EPRS1: variants seen among roughly 807,000 people sequenced by gnomAD.
EPRS1 encodes glutamyl-prolyl-tRNA synthetase 1.
Under a neutral mutation model 188.3 loss-of-function variants are expected in EPRS1, and 107 were observed. The observed-to-expected ratio is 0.57, with a 90% CI of 0.49 to 0.67. The LOEUF (loss-of-function observed/expected upper bound fraction) is 0.67, where lower values mean the gene tolerates loss of function less well. EPRS1 is among the 30% of genes least tolerant of loss of function. The probability of loss-of-function intolerance (pLI) is 0.00; values close to 1 mark genes in which losing one functional copy is unlikely to be tolerated. For missense variants in EPRS1, 1,577 were observed against 1,802.2 expected, an observed-to-expected ratio of 0.88 and a Z score of 2.26; for synonymous variants, 596 against 593.1, an observed-to-expected ratio of 1.00 and a Z score of -0.07.
At chr1:220,039,347 G>A (rs994506093) in intron 2 of EPRS1, among the ~76,000 whole-genome samples, 1 of 152,058 alleles carries the variant, frequency 6.6e-6, no homozygotes, top group Non-Finnish European at 1.5e-5. Context: ...TGTTGCAGAT[G>A]GGCTCTCAAA....
Position 219,982,803 on chromosome 1 carries a change from TTC to T in EPRS1, c.3340_3341del (p.Glu1114ThrfsTer8). 6.2e-7 allele frequency: 1 copy of T among 1,614,102 alleles called. No homozygotes were observed. Among genetic ancestry groups the T allele is most frequent in the Non-Finnish European group, 8.5e-7 (1 of 1,179,946 alleles). On this transcript the variant is annotated frameshift_variant, in exon 23 of 32. Coordinates refer to ENST00000366923, the MANE Select transcript of EPRS1 (RefSeq NM_004446.3). LOFTEE classifies it high-confidence loss of function. ...VTRSGKTELA[E>X]PIAIRPTSET... ...CACTAGTAGGACGAATGGCAATTGG[TTC>T]TGCCAGCTCGGTTTTGCCAGATCTT...
intron 6 of EPRS1, among the ~76,000 whole-genome samples, chr1:220,028,964 C>T (rs567740916): frequency 1.3e-5 from 2 of 152,274 alleles, no homozygotes; most frequent in South Asian, 2.1e-4. Context: ...TAGTCTCTGA[C>T]ATAATTTACA....
intron 13 of EPRS1, among the ~76,000 whole-genome samples, chr1:220,010,743 G>A (rs1263851378): frequency 6.6e-6 from 1 of 151,602 alleles, no homozygotes; most frequent in Non-Finnish European, 1.5e-5. Context: ...CCGGGAGGCA[G>A]GGGTTGCAGT....
intron 11 of EPRS1, 72 bp from the exon 12 acceptor site, chr1:220,018,580 A>C: frequency 1.2e-6 from 1 of 839,692 alleles, no homozygotes; most frequent in Non-Finnish European, 1.9e-6. Flanking sequence ...TTTCATGCTA[A>C]GCATGTTTAG....
chr1:220,013,941 T>C (rs1202850287), intron 12 of EPRS1, among the ~76,000 whole-genome samples: 3 of 151,772 alleles, frequency 2.0e-5, no homozygotes, highest in Non-Finnish European at 4.4e-5. Context: ...CTGAAAATAC[T>C]CATCAACTTT....
intron 5 of EPRS1, 138 bp from the exon 6 acceptor site, chr1:220,030,618 AG>A (rs1384666880): frequency 4.7e-6 from 3 of 645,016 alleles, no homozygotes; most frequent in African/African-American, 3.6e-5. Flanking sequence ...CCTACACTTG[AG>A]GGTACAAAAT....
At chr1:220,005,224 A>T in intron 16 of EPRS1, 24 bp downstream of exon 16, 1 of 1,063,862 alleles carries the variant, frequency 9.4e-7, no homozygotes. Flanking sequence ...ATTTTCATTT[A>T]GACGTTCAGT....
chr1:220,014,944 T>G (rs1261102184), intron 12 of EPRS1, among the ~76,000 whole-genome samples: 1 of 151,948 alleles, frequency 6.6e-6, no homozygotes, highest in Admixed American at 6.6e-5. Flanking sequence ...GAAACAAGAA[T>G]AGAGAGTTAT....
At chr1:219,994,802 G>A (rs960529233) in intron 18 of EPRS1, among the ~76,000 whole-genome samples, 14 of 151,696 alleles carry the variant, frequency 9.2e-5, no homozygotes, top group Non-Finnish European at 4.4e-5. Context: ...ACAGGCACCC[G>A]CCACCACACC....
rs140568859 is a variant in EPRS1 at position 219,971,795 on chromosome 1, T to TATATATATATATATATACACACAC, written c.4323+273_4323+274insGTGTGTGTATATATATATATATAT. Among the ~76,000 whole-genome samples, 10 of 108,400 alleles carry TATATATATATATATATACACACAC rather than the reference T, an allele frequency of 9.2e-5. 1 individual carries two copies. Among genetic ancestry groups the TATATATATATATATATACACACAC allele is most frequent in the African/African-American group, 3.2e-4 (10 of 31,232 alleles). 71.1% of individuals were successfully genotyped at this position (108,400 alleles called of 152,430 possible). A position where few individuals can be genotyped will look rare whatever the true frequency, so the allele number is the denominator to read the frequency against. ...GTAGAAAACAAAGACTATATATATA[T>TATATATATATATATATACACACAC]ACATATACACACACACTATATTTAT... is the stretch of plus-strand genomic sequence containing the variant. On this transcript the variant is annotated intron_variant, in intron 30 of 31. Coordinates refer to ENST00000366923, the MANE Select transcript of EPRS1 (RefSeq NM_004446.3).
intron 8 of EPRS1, among the ~76,000 whole-genome samples, chr1:220,022,771 T>A (rs1017319029): frequency 6.6e-6 from 1 of 152,230 alleles, no homozygotes; most frequent in Non-Finnish European, 1.5e-5. Flanking sequence ...TCCACTCATG[T>A]GGTATCAATT....
In EPRS1 at chr1:219,987,304, TC is replaced by T; in HGVS notation, c.2875del (p.Glu959ArgfsTer79). The T allele has an allele frequency of 6.2e-7, 1 of 1,614,106 alleles. No individual in the cohort carries two copies. The highest frequency in any genetic ancestry group is 8.5e-7 in the Non-Finnish European group (1 of 1,179,998). On this transcript the variant is annotated frameshift_variant, in exon 20 of 32. Transcript: ENST00000366923. LOFTEE classifies it high-confidence loss of function. ...TTCTTTCTTCTTCTTATCTTTGTCC[TC>T]AGCTCCAGTGGCCGACACAGGCTTA... Reference protein sequence around the residue: ...EYKPVSATGAEDKDKKKKEKE... With the variant: ...EYKPVSATGAXDKDKKKKEKE...
chr1:219,971,306 A>G (rs959805290), intron 30 of EPRS1, among the ~76,000 whole-genome samples: 19 of 152,338 alleles, frequency 1.2e-4, no homozygotes, highest in African/African-American at 4.6e-4. Flanking sequence ...ATGAAACTTT[A>G]AAGTTTCAGC....
At chr1:219,980,061 G>C (rs117101042) in intron 26 of EPRS1, 24 bp downstream of exon 26, 10 of 1,608,434 alleles carry the variant, frequency 6.2e-6, no homozygotes, top group Non-Finnish European at 8.5e-6. Flanking sequence ...AGTGACCTAC[G>C]AATCCTGTGT....
At position 220,023,390 on chromosome 1, in the gene EPRS1, T is replaced by C. The variant is rs188747624; in HGVS notation, c.944-872A>G. Among the ~76,000 whole-genome samples the C allele has an allele frequency of 4.5e-3, 688 of 152,324 alleles. 3 individuals are homozygous for C. The highest frequency in any genetic ancestry group is 7.9e-3 in the Non-Finnish European group (535 of 68,026). Reference sequence around the variant, plus strand: ...AAAAGACTCATTATAACTATTTTAATTTACTAATACTTCCCAAATGTGGCA... The same window carrying C: ...AAAAGACTCATTATAACTATTTTAACTTACTAATACTTCCCAAATGTGGCA... On this transcript the variant is annotated intron_variant, in intron 8 of 31. Coordinates refer to ENST00000366923, the MANE Select transcript of EPRS1 (RefSeq NM_004446.3).
intron 18 of EPRS1, among the ~76,000 whole-genome samples, chr1:219,994,276 A>G (rs2647467): frequency 0.81 from 122,996 of 151,968 alleles, 49,904 homozygotes; most frequent in East Asian, 0.93. Flanking sequence ...TCTGAGTGTC[A>G]GTGTGTGTGA....
chr1:219,971,854 ATATT>A (rs1420901319), intron 30 of EPRS1, among the ~76,000 whole-genome samples: 1 of 126,688 alleles, frequency 7.9e-6, no homozygotes, highest in Non-Finnish European at 1.7e-5. Flanking sequence ...CAAAGACTAT[ATATT>A]TAGATTATAT....
intron 20 of EPRS1, among the ~76,000 whole-genome samples, chr1:219,984,745 A>T (rs1486781576): frequency 6.6e-6 from 1 of 152,032 alleles, no homozygotes; most frequent in African/African-American, 2.4e-5. Context: ...TTTTTAACCT[A>T]AAAAAACAGT....
chr1:220,020,827 TA>T (rs1661860140), intron 9 of EPRS1, among the ~76,000 whole-genome samples: 4 of 2,360 alleles, frequency 1.7e-3, no homozygotes, highest in African/African-American at 4.3e-3. Context: ...TTTGAATTTA[TA>T]TATATATATA....
Sources: allele counts gnomAD v4.1 joint callset (sites outside exome capture counted in the v4.1 genomes callset), GRCh38; gene constraint gnomAD v4.1.1; transcripts MANE v1.5; gene names NCBI Gene and HGNC (gene_info 2026-07-23, HGNC 2026-07-21).